The following PSD2 variants were observed in gnomAD, a reference collection of about 807,000 sequenced individuals.
PSD2 encodes the protein pleckstrin and Sec7 domain containing 2.
In PSD2, 38 loss-of-function variants were observed where a neutral mutation model predicts 69.8. The observed-to-expected ratio is 0.54, with a 90% CI of 0.42 to 0.71. The LOEUF (loss-of-function observed/expected upper bound fraction) is 0.71, where lower values mean the gene tolerates loss of function less well. Among genes scored for constraint, PSD2 ranks in the 30% least tolerant of loss-of-function variants. The pLI is 0.00. For missense variants in PSD2, 943 were observed against 1,014.5 expected, an observed-to-expected ratio of 0.93 and a Z score of 0.96; for synonymous variants, 412 against 423.0, an observed-to-expected ratio of 0.97 and a Z score of 0.32.
At chr5:139,841,961 G>A (rs958431231) in intron 14 of PSD2, among the ~76,000 whole-genome samples, 1 of 152,122 alleles carries the variant, frequency 6.6e-6, no homozygotes, top group African/African-American at 2.4e-5. Flanking sequence ...TTTTCATTCT[G>A]TTGATTGTAT....
At chr5:139,827,140 G>A (rs549980106) in intron 7 of PSD2, among the ~76,000 whole-genome samples, 3 of 152,330 alleles carry the variant, frequency 2.0e-5, no homozygotes, top group Non-Finnish European at 2.9e-5. Flanking sequence ...GGCTAGAGGT[G>A]GGGTCATTCT....
At chr5:139,787,960 T>A in the PSD2 span, among the ~76,000 whole-genome samples, 10 of 152,170 alleles carry the variant, frequency 6.6e-5, no homozygotes, top group Non-Finnish European at 1.2e-4. Context: ...ACGCGCAGGC[T>A]GATTTTTGAG....
the PSD2 span, among the ~76,000 whole-genome samples, chr5:139,776,101 T>C: frequency 6.6e-6 from 1 of 152,180 alleles, no homozygotes; most frequent in Non-Finnish European, 1.5e-5. Context: ...CCCATCACCA[T>C]GGTAACGACA....
Position 139,840,129 on chromosome 5 carries a change from G to T in PSD2, c.2071G>T (p.Ala691Ser), listed in dbSNP as rs1300725589. The T allele has an allele frequency of 6.2e-7, 1 of 1,614,206 alleles. No homozygotes were observed. Among genetic ancestry groups the T allele is most frequent in the Non-Finnish European group, 8.5e-7 (1 of 1,180,044 alleles). ...CGAGAGGGGCATCAAGTCCAAGGAG[G>T]CCGAGGAGTACCGGTTGAAGGAGCA... ...PVERGIKSKE[A>S]EEYRLKEHYL... The change falls in exon 14 of 15, where the codon GCC (alanine) becomes TCC (serine). Residue 691 changes from alanine to serine, a missense_variant. Physicochemically the swap from Ala to Ser is moderately conservative, Grantham distance 99 (BLOSUM62 1). This residue lies in a region of PSD2 where 165 missense variants were observed against 168.8 expected (regional missense o/e 0.98). Transcript: ENST00000274710.
chr5:139,808,534 C>A (rs1561594388), intron 1 of PSD2, among the ~76,000 whole-genome samples: 1 of 152,182 alleles, frequency 6.6e-6, no homozygotes, highest in Non-Finnish European at 1.5e-5. Context: ...GGGAGTTGGG[C>A]AGAGCAGGGC....
chr5:139,811,756 G>A (rs932809342), intron 2 of PSD2, among the ~76,000 whole-genome samples: 2 of 152,006 alleles, frequency 1.3e-5, no homozygotes, highest in East Asian at 1.9e-4. Context: ...CACTACGCCC[G>A]GCTAATTTTT....
At chr5:139,766,971 T>TTCTTTCTA in the PSD2 span, among the ~76,000 whole-genome samples, 1 of 144,810 alleles carries the variant, frequency 6.9e-6, no homozygotes, top group African/African-American at 2.6e-5. Context: ...CTTTCTTTCT[T>TTCTTTCTA]TCTTTCTTTC....
At chr5:139,820,777 GC>G (rs1290802961) in intron 5 of PSD2, among the ~76,000 whole-genome samples, 1 of 152,148 alleles carries the variant, frequency 6.6e-6, no homozygotes, top group Non-Finnish European at 1.5e-5. Context: ...TGAAGGCCTG[GC>G]CTGCTCTGAG....
chr5:139,749,876 C>T, the PSD2 span, among the ~76,000 whole-genome samples: 1 of 151,802 alleles, frequency 6.6e-6, no homozygotes, highest in African/African-American at 2.4e-5. Flanking sequence ...ATGAAAAACA[C>T]CAAAAATTAG....
intron 1 of PSD2, among the ~76,000 whole-genome samples, chr5:139,803,563 C>T (rs1247870758): frequency 6.6e-6 from 1 of 152,226 alleles, no homozygotes; most frequent in Non-Finnish European, 1.5e-5. Flanking sequence ...GGCAGTTTTC[C>T]TGAAGTCACA....
intron 1 of PSD2, among the ~76,000 whole-genome samples, chr5:139,799,299 C>T (rs1759608201): frequency 6.6e-6 from 1 of 152,150 alleles, no homozygotes. Flanking sequence ...CTACATCAGA[C>T]CAGATGCTGG....
In PSD2 at chr5:139,822,730, G is replaced by T. The variant is rs993217344; in HGVS notation, c.1215G>T (p.Gly405=). 1.2e-6 allele frequency: 2 copies of T among 1,610,614 alleles called. No homozygotes were observed. Among genetic ancestry groups the T allele is most frequent in the Non-Finnish European group, 1.7e-6 (2 of 1,178,354 alleles). Residue 405 remains glycine (G), a synonymous_variant, in exon 7 of 15, where the codon GGG becomes GGT. Coordinates refer to ENST00000274710, the MANE Select transcript of PSD2 (RefSeq NM_032289.4). ...CNPDDSTSED[G]IHTLTCALML... is the part of the protein sequence containing the mutation. The stretch of plus-strand genomic sequence containing the variant: ...GTGCCACCATCTCTGACTCAGATGG[G>T]ATCCACACGCTCACCTGTGCCCTGA...
At chr5:139,801,718 GCATCTCAACTTT>G (rs1207975681) in intron 1 of PSD2, among the ~76,000 whole-genome samples, 2 of 152,240 alleles carry the variant, frequency 1.3e-5, no homozygotes, top group South Asian at 4.1e-4. Flanking sequence ...AGCCTACACA[GCATCTCAACTTT>G]CATCTCAACT....
intron 5 of PSD2, among the ~76,000 whole-genome samples, chr5:139,819,069 A>G (rs1263218293): frequency 1.3e-5 from 2 of 152,064 alleles, no homozygotes; most frequent in Non-Finnish European, 2.9e-5. Flanking sequence ...GTTTTCCATC[A>G]TATATCCTGT....
At position 139,842,470 on chromosome 5, in the gene PSD2, C is replaced by T; in HGVS notation, c.2312C>T (p.Thr771Ile). 1 of 1,612,516 alleles carries T rather than the reference C, an allele frequency of 6.2e-7. No homozygotes were observed. Among genetic ancestry groups the T allele is most frequent in the Non-Finnish European group, 8.5e-7 (1 of 1,178,790 alleles). ...ACAAAGGATGCCACTGGGCCTGATA[C>T]TTAGCTGACATGGATTTGCAGACCC... is the stretch of plus-strand genomic sequence containing the variant. ...KTTKDATGPD[T>I] The change falls in exon 15 of 15, where the codon ACT becomes ATT. Residue 771 changes from threonine to isoleucine, a missense_variant. Thr to Ile is a moderately conservative substitution (Grantham distance 89). This residue lies in a region of PSD2 where 165 missense variants were observed against 168.8 expected (regional missense o/e 0.98). Transcript: ENST00000274710.
intron 1 of PSD2, among the ~76,000 whole-genome samples, chr5:139,796,477 G>A (rs1191315368): frequency 6.6e-6 from 1 of 152,224 alleles, no homozygotes; most frequent in Admixed American, 6.5e-5. Context: ...TCCCAACTTT[G>A]ACAGCCCTGC....
the PSD2 span, among the ~76,000 whole-genome samples, chr5:139,767,371 A>G: frequency 6.6e-6 from 1 of 151,762 alleles, no homozygotes; most frequent in East Asian, 1.9e-4. Flanking sequence ...CTGGAGTGCA[A>G]TGTCACGATC....
intron 5 of PSD2, among the ~76,000 whole-genome samples, chr5:139,819,949 C>T (rs1224042390): frequency 3.3e-5 from 5 of 152,172 alleles, no homozygotes; most frequent in South Asian, 2.1e-4. Context: ...TGCAAAGCAA[C>T]ATTTTGGAAG....
intron 7 of PSD2, among the ~76,000 whole-genome samples, chr5:139,826,586 T>C (rs1386548080): frequency 6.6e-6 from 1 of 152,072 alleles, no homozygotes; most frequent in Non-Finnish European, 1.5e-5. Flanking sequence ...ACCACGAAGA[T>C]GAGATGAGGT....
Sources: allele counts gnomAD v4.1 joint callset (sites outside exome capture counted in the v4.1 genomes callset), GRCh38; gene constraint gnomAD v4.1.1; regional missense constraint gnomAD v4.1.1; transcripts MANE v1.5; gene names NCBI Gene and HGNC (gene_info 2026-07-23, HGNC 2026-07-21).